The following ACSM5 variants were observed in gnomAD, a reference collection of about 807,000 sequenced individuals.
The protein encoded by ACSM5 is acyl-CoA synthetase medium chain family member 5.
In ACSM5, 56 loss-of-function variants were observed where a neutral mutation model predicts 71.6. That is an observed-to-expected ratio of 0.78 (90% CI 0.63 to 0.98). The LOEUF is 0.98. Ranked by LOEUF, ACSM5 falls within the 50% of genes least tolerant of loss-of-function variation. The pLI, the probability that ACSM5 is intolerant of heterozygous loss-of-function variation, is 0.00. For missense variants in ACSM5, 723 were observed against 726.0 expected (o/e 1.00, Z 0.05); for synonymous variants, 285 against 281.5 (o/e 1.01, Z -0.12).
At chr16:20,435,559 CT>C (rs1240323575) in intron 10 of ACSM5, among the ~76,000 whole-genome samples, 1 of 152,180 alleles carries the variant, frequency 6.6e-6, no homozygotes, top group East Asian at 1.9e-4. Context: ...ATGTCCGCCC[CT>C]GTGTAACTGC....
At position 20,431,212 on chromosome 16, in the gene ACSM5, C is replaced by T. The variant is rs1596621587; in HGVS notation, c.1207-8C>T. 2 of 1,613,618 alleles carry T rather than the reference C, an allele frequency of 1.2e-6. No homozygotes were observed. The highest frequency in any genetic ancestry group is 1.7e-5 in the Admixed American group (1 of 60,006). ...ACGTATGCACCTCTGTGATGATTTCCTTACCAGATTGTGGATGATGAGGGC... is the reference window on the plus strand; with the variant it reads ...ACGTATGCACCTCTGTGATGATTTCTTTACCAGATTGTGGATGATGAGGGC... On this transcript the variant is annotated splice_region_variant and splice_polypyrimidine_tract_variant and intron_variant, in intron 9 of 13. Transcript: ENST00000331849.
At chr16:20,430,602 A>G (rs1263281302) in intron 8 of ACSM5, among the ~76,000 whole-genome samples, 2 of 152,036 alleles carry the variant, frequency 1.3e-5, no homozygotes, top group East Asian at 1.9e-4. Flanking sequence ...AAAGGAAAAG[A>G]AGGAGGAAAG....
At position 20,424,016 on chromosome 16, in the gene ACSM5, T is replaced by A. The variant is rs1966929091; in HGVS notation, c.868T>A (p.Ser290Thr). The A allele has an allele frequency of 1.2e-6, 2 of 1,614,024 alleles. No homozygotes were observed. Among genetic ancestry groups the A allele is most frequent in the Non-Finnish European group, 1.7e-6 (2 of 1,180,016 alleles). ...WTLFSAWPNG[S>T]CIFVHELPRV... ...TCTCTTCTCTGCCTGGCCTAATGGA[T>A]CTTGCATTTTTGTGCATGAGCTGCC... Residue 290 changes from serine to threonine, a missense_variant, in exon 6 of 14, where the codon TCT (serine) becomes ACT (threonine). Transcript: ENST00000331849.
At chr16:20,422,661 A>T (rs939560083) in intron 5 of ACSM5, among the ~76,000 whole-genome samples, 4 of 152,210 alleles carry the variant, frequency 2.6e-5, no homozygotes, top group African/African-American at 7.2e-5. Flanking sequence ...TGTTTTTTAA[A>T]GGCTCACTCA....
In ACSM5 at chr16:20,441,259, T is replaced by C. The variant is rs1193777321; in HGVS notation, c.*832T>C. 2 of 152,220 alleles carry C rather than the reference T, an allele frequency of 1.3e-5. No individual in the cohort carries two copies. Among genetic ancestry groups the C allele is most frequent in the African/African-American group, 2.4e-5 (1 of 41,462 alleles). The allele number at this position is 152,220 out of a possible 1,614,324, so 9.4% of individuals were successfully genotyped here. On this transcript the variant is annotated 3_prime_UTR_variant, in exon 14 of 14. Transcript: ENST00000331849. ...GTAGTTTTTCTTCTTCCTTTTTCCATTACATTTCTGTATTTTCCAAGTTTT... is the reference window on the plus strand; with the variant it reads ...GTAGTTTTTCTTCTTCCTTTTTCCACTACATTTCTGTATTTTCCAAGTTTT...
rs1596614975 is a variant in ACSM5 at position 20,421,255 on chromosome 16, C to T, written c.624-3C>T. 1 of 1,559,124 alleles carries T rather than the reference C, an allele frequency of 6.4e-7. No homozygotes were observed. Among genetic ancestry groups the T allele is most frequent in the Non-Finnish European group, 8.7e-7 (1 of 1,145,036 alleles). On this transcript the variant is annotated splice_region_variant and splice_polypyrimidine_tract_variant and intron_variant, in intron 4 of 13. Coordinates refer to ENST00000331849, the MANE Select transcript of ACSM5 (RefSeq NM_017888.3). ...TGCCACCTAGTGTATTTACGTTTTA[C>T]AGGGAGGCTTCTACAGAGCACAACT...
chr16:20,426,694 T>A (rs944172661), intron 6 of ACSM5, among the ~76,000 whole-genome samples: 13 of 152,190 alleles, frequency 8.5e-5, no homozygotes, highest in East Asian at 3.8e-4. Flanking sequence ...TACATGAGAT[T>A]CCAAGAGTAG....
At chr16:20,419,970 CA>C (rs1485113129) in intron 4 of ACSM5, among the ~76,000 whole-genome samples, 1 of 152,188 alleles carries the variant, frequency 6.6e-6, no homozygotes, top group Non-Finnish European at 1.5e-5. Context: ...CCCAGTTTTA[CA>C]GATGAGGAAA....
chr16:20,440,988 C>T lies in ACSM5; in HGVS notation c.*561C>T, dbSNP rs1166931713. On this transcript the variant is annotated 3_prime_UTR_variant, in exon 14 of 14. Coordinates refer to ENST00000331849, the MANE Select transcript of ACSM5 (RefSeq NM_017888.3). ...AAAAAAAGAAAAAATTAACAATTAA[C>T]ATCCAAACAACAAGGAAATGATTAA... 6.6e-6 allele frequency: 1 copy of T among 150,980 alleles called. No homozygotes were observed. The highest frequency in any genetic ancestry group is 1.5e-5 in the Non-Finnish European group (1 of 67,854). The allele number at this position is 150,980 out of a possible 1,614,324, so 9.4% of individuals were successfully genotyped here. A position where few individuals can be genotyped will look rare whatever the true frequency, so the allele number is the denominator to read the frequency against.
intron 2 of ACSM5, among the ~76,000 whole-genome samples, chr16:20,416,822 C>T (rs1966857312): frequency 6.6e-6 from 1 of 151,990 alleles, no homozygotes; most frequent in South Asian, 2.1e-4. Flanking sequence ...TAGTATCTAT[C>T]ATGCATAAAG....
chr16:20,413,333 C>A (rs1966851005), intron 2 of ACSM5, among the ~76,000 whole-genome samples: 1 of 152,152 alleles, frequency 6.6e-6, no homozygotes, highest in South Asian at 2.1e-4. Flanking sequence ...ATCACGGCAA[C>A]CATTAGATGG....
At chr16:20,435,787 G>A (rs1967180108) in intron 10 of ACSM5, among the ~76,000 whole-genome samples, 1 of 152,192 alleles carries the variant, frequency 6.6e-6, no homozygotes, top group Non-Finnish European at 1.5e-5. Context: ...GTGGTTTCAT[G>A]TATTTTTATT....
intron 2 of ACSM5, among the ~76,000 whole-genome samples, chr16:20,415,392 G>T (rs1288365357): frequency 1.3e-5 from 2 of 152,190 alleles, no homozygotes; most frequent in African/African-American, 4.8e-5. Context: ...CTTCAGCCAT[G>T]GAGGCAGAAA....
chr16:20,433,857 T>G (rs1209922895), intron 10 of ACSM5, among the ~76,000 whole-genome samples: 2 of 140,882 alleles, frequency 1.4e-5, no homozygotes, highest in Non-Finnish European at 3.1e-5. Context: ...TTTTTTTTTT[T>G]GTAAAGATGG....
intron 2 of ACSM5, among the ~76,000 whole-genome samples, chr16:20,414,861 C>A (rs148075830): frequency 2.6e-5 from 4 of 152,180 alleles, no homozygotes; most frequent in Admixed American, 6.5e-5. Flanking sequence ...ACAGATGAGA[C>A]TGTATTGTTT....
Position 20,423,897 on chromosome 16 carries a change from G to A in ACSM5, c.768-19G>A, listed in dbSNP as rs372881682. ...TAGAGTCATTGCCAAGGTTACTGACGTTCTCTAATTTTTGGCAGACGGTGG... is the reference window on the plus strand; with the variant it reads ...TAGAGTCATTGCCAAGGTTACTGACATTCTCTAATTTTTGGCAGACGGTGG... On this transcript the variant is annotated intron_variant, in intron 5 of 13. Transcript: ENST00000331849. The A allele has an allele frequency of 1.5e-5, 24 of 1,613,610 alleles. No homozygotes were observed. Among genetic ancestry groups the A allele is most frequent in the South Asian group, 1.1e-4 (10 of 90,946 alleles).
rs143668696 is a variant in ACSM5 at position 20,414,585 on chromosome 16, T to C, written c.204+2897T>C. Among the ~76,000 whole-genome samples the C allele has an allele frequency of 2.6e-5, 4 of 152,370 alleles. No individual in the cohort carries two copies. The East Asian group carries it at 5.8e-4, about 22-fold the overall frequency. ...AAGGCTGTATATTTGTGTTGTTTTATGCAATTAAGTTTGTGATAATTTATT... is the reference window on the plus strand; with the variant it reads ...AAGGCTGTATATTTGTGTTGTTTTACGCAATTAAGTTTGTGATAATTTATT... On this transcript the variant is annotated intron_variant, in intron 2 of 13. Transcript: ENST00000331849.
chr16:20,418,005 A>T, intron 2 of ACSM5, 54 bp from the exon 3 acceptor site: 1 of 1,551,368 alleles, frequency 6.4e-7, no homozygotes, highest in Non-Finnish European at 8.8e-7. Context: ...CAACAAGCAA[A>T]CAAAAATTCT....
At position 20,418,069 on chromosome 16, in the gene ACSM5, G is replaced by C. The variant is rs149315908; in HGVS notation, c.215G>C (p.Arg72Pro). ...TGTACCACCATCTAGGCTGGACACC[G>C]CCCCCCAAATCCTGCCTTCTGGTGG... ...VWSRLEEAGH[R>P]PPNPAFWWVN... is the part of the protein sequence containing the mutation. The change falls in exon 3 of 14, where the codon CGC (arginine) becomes CCC (proline). Residue 72 changes from arginine to proline, a missense_variant. Transcript: ENST00000331849. The C allele has an allele frequency of 6.2e-7, 1 of 1,613,036 alleles. No homozygotes were observed. Among genetic ancestry groups the C allele is most frequent in the African/African-American group, 1.3e-5 (1 of 74,748 alleles).
Sources: allele counts gnomAD v4.1 joint callset (sites outside exome capture counted in the v4.1 genomes callset), GRCh38; gene constraint gnomAD v4.1.1; transcripts MANE v1.5; gene names NCBI Gene and HGNC (gene_info 2026-07-23, HGNC 2026-07-21).